The following SLC44A1 variants were observed in gnomAD, a reference collection of about 807,000 sequenced individuals.
SLC44A1 encodes the protein choline transporter-like protein 1.
In SLC44A1, 26 loss-of-function variants were observed where a neutral mutation model predicts 79.3. That is an observed-to-expected ratio of 0.33 (90% CI 0.24 to 0.46). SLC44A1 has a LOEUF of 0.46. Ranked by LOEUF, SLC44A1 falls within the 20% of genes least tolerant of loss-of-function variation. The pLI, the probability that SLC44A1 is intolerant of heterozygous loss-of-function variation, is 1.00. For synonymous variants in SLC44A1, 263 were observed against 286.2 expected (o/e 0.92, Z 0.82); for missense variants, 688 against 798.1 (o/e 0.86, Z 1.66).
At position 105,335,641 on chromosome 9, in the gene SLC44A1, G is replaced by T. The variant is rs529943766; in HGVS notation, c.348G>T (p.Ala116=). The change falls in exon 4 of 16, where the codon GCG becomes GCT. Residue 116 remains alanine, a synonymous_variant. Transcript: ENST00000374720. ...AGTCTGTAGCACTGTGTGTAGCAGC[G>T]TGTCCAAGGCAAGAACTGAAAACTC... ...KIKSVALCVA[A]CPRQELKTLS... is the part of the protein sequence containing the mutation. The T allele has an allele frequency of 6.2e-7, 1 of 1,613,660 alleles. No homozygotes were observed.
chr9:105,246,163 GA>G (rs774990045), intron 1 of SLC44A1, among the ~76,000 whole-genome samples: 10 of 152,092 alleles, frequency 6.6e-5, no homozygotes, highest in African/African-American at 9.7e-5. Flanking sequence ...AGTTTGGGGG[GA>G]AAAAATTCCT....
intron 2 of SLC44A1, among the ~76,000 whole-genome samples, chr9:105,305,847 T>G (rs1048731826): frequency 1.4e-5 from 2 of 144,860 alleles, no homozygotes; most frequent in Non-Finnish European, 3.1e-5. Flanking sequence ...TGTGTCCTTT[T>G]TTTTTTTTTT....
At chr9:105,272,397 A>G (rs1315587493) in intron 1 of SLC44A1, among the ~76,000 whole-genome samples, 1 of 152,186 alleles carries the variant, frequency 6.6e-6, no homozygotes, top group Non-Finnish European at 1.5e-5. Flanking sequence ...ATTCTTTGAT[A>G]GGACAGTTAA....
chr9:105,313,241 A>G (rs1831228637), intron 3 of SLC44A1, among the ~76,000 whole-genome samples: 1 of 152,178 alleles, frequency 6.6e-6, no homozygotes, highest in Non-Finnish European at 1.5e-5. Context: ...TCCCTATATT[A>G]TACTTGTTAT....
chr9:105,298,916 A>G (rs1461922004), intron 1 of SLC44A1, among the ~76,000 whole-genome samples: 2 of 152,192 alleles, frequency 1.3e-5, no homozygotes, highest in Admixed American at 6.5e-5. Context: ...GCTGGGACAC[A>G]GCATAACAAA....
At chr9:105,371,600 T>C (rs528335229) in intron 12 of SLC44A1, among the ~76,000 whole-genome samples, 1 of 151,140 alleles carries the variant, frequency 6.6e-6, no homozygotes, top group South Asian at 2.1e-4. Context: ...GTGCCTGTAG[T>C]CCCAGCTACT....
At chr9:105,405,020 T>C (rs916728117) in intron 15 of SLC44A1, among the ~76,000 whole-genome samples, 5 of 152,186 alleles carry the variant, frequency 3.3e-5, no homozygotes, top group Non-Finnish European at 7.3e-5. Context: ...GCTAGTTTTA[T>C]GTATAAAAGC....
chr9:105,284,673 G>A (rs1830434417), intron 1 of SLC44A1, among the ~76,000 whole-genome samples: 1 of 152,046 alleles, frequency 6.6e-6, no homozygotes, highest in Non-Finnish European at 1.5e-5. Flanking sequence ...ATCTGATGCG[G>A]TAGCTATATG....
intron 1 of SLC44A1, among the ~76,000 whole-genome samples, chr9:105,265,353 G>A (rs369710354): frequency 1.2e-4 from 19 of 152,158 alleles, no homozygotes; most frequent in East Asian, 9.7e-4. Flanking sequence ...CTGTAGTTTT[G>A]CTTTTTCCAG....
intron 13 of SLC44A1, among the ~76,000 whole-genome samples, chr9:105,377,599 A>C (rs1207686845): frequency 6.6e-6 from 1 of 150,632 alleles, no homozygotes; most frequent in African/African-American, 2.5e-5. Flanking sequence ...ACTAAAAAAT[A>C]CAAAAAAAAA....
intron 2 of SLC44A1, among the ~76,000 whole-genome samples, chr9:105,301,739 C>T (rs1830886204): frequency 6.6e-6 from 1 of 152,020 alleles, no homozygotes. Flanking sequence ...CAAAGTATAG[C>T]AAGGTTAAAT....
intron 1 of SLC44A1, among the ~76,000 whole-genome samples, chr9:105,271,054 G>C (rs1025995117): frequency 2.6e-5 from 4 of 152,196 alleles, no homozygotes; most frequent in Non-Finnish European, 4.4e-5. Flanking sequence ...GTAATCAGTG[G>C]TTAACTTTCA....
At chr9:105,262,362 C>G (rs898488473) in intron 1 of SLC44A1, among the ~76,000 whole-genome samples, 2 of 152,210 alleles carry the variant, frequency 1.3e-5, no homozygotes, top group African/African-American at 4.8e-5. Flanking sequence ...AAGAAAATAA[C>G]AAAGCTTCAG....
chr9:105,246,983 A>G (rs2131187715), intron 1 of SLC44A1, among the ~76,000 whole-genome samples: 1 of 152,030 alleles, frequency 6.6e-6, no homozygotes, highest in African/African-American at 2.4e-5. Flanking sequence ...TTTCCTGTGG[A>G]TTCCTATAAC....
chr9:105,348,521 T>C, intron 5 of SLC44A1, 70 bp downstream of exon 5: 2 of 960,922 alleles, frequency 2.1e-6, no homozygotes, highest in South Asian at 2.7e-5. Context: ...CAATATATGT[T>C]ATTCTGAGAA....
At chr9:105,328,060 C>G (rs571221943) in intron 3 of SLC44A1, among the ~76,000 whole-genome samples, 66 of 152,308 alleles carry the variant, frequency 4.3e-4, no homozygotes, top group Middle Eastern at 3.4e-3. Context: ...TACCTTCACT[C>G]CCCTCTGGCC....
chr9:105,423,548 A>G (rs1829282756), intron 15 of SLC44A1, among the ~76,000 whole-genome samples: 1 of 152,178 alleles, frequency 6.6e-6, no homozygotes, highest in Admixed American at 6.5e-5. Context: ...GACATGTGAA[A>G]AGATTTTGCT....
intron 1 of SLC44A1, among the ~76,000 whole-genome samples, chr9:105,245,286 C>T (rs920887812): frequency 6.6e-6 from 1 of 152,180 alleles, no homozygotes; most frequent in Non-Finnish European, 1.5e-5. Flanking sequence ...TGGCTCCTCT[C>T]TTCCACCTCC....
intron 15 of SLC44A1, among the ~76,000 whole-genome samples, chr9:105,435,947 C>T (rs948566656): frequency 2.6e-5 from 4 of 152,338 alleles, no homozygotes; most frequent in Non-Finnish European, 5.9e-5. Flanking sequence ...CCTGTAATCT[C>T]AACACTTCGG....
Sources: gnomAD v4.1 joint callset for allele counts (sites outside exome capture counted in the v4.1 genomes callset) on GRCh38, gnomAD v4.1.1 for gene constraint, MANE v1.5 for transcripts, NCBI Gene and HGNC (gene_info 2026-07-23, HGNC 2026-07-21) for gene names.